Variants in PTPRG observed in about 807,000 individuals in gnomAD.
PTPRG encodes protein tyrosine phosphatase receptor type G, also known as receptor-type tyrosine-protein phosphatase gamma.
PTPRG carries 102 observed loss-of-function variants against 165.3 expected under a neutral mutation model. That is an observed-to-expected ratio of 0.62 (90% CI 0.53 to 0.73). The LOEUF (loss-of-function observed/expected upper bound fraction) is 0.73. PTPRG is among the 30% of genes least tolerant of loss of function. PTPRG has a pLI of 0.00. For synonymous variants in PTPRG, 675 were observed against 669.5 expected (o/e 1.01, Z -0.13); for missense variants, 1,866 against 1,861.4 (o/e 1.00, Z -0.05).
intron 2 of PTPRG, among the ~76,000 whole-genome samples, chr3:61,977,709 A>C (rs1575843204): frequency 6.6e-6 from 1 of 152,198 alleles, no homozygotes; most frequent in Non-Finnish European, 1.5e-5. Flanking sequence ...CAGTGTTCAA[A>C]GAGTATAAAA....
intron 14 of PTPRG, 94 bp from the exon 15 acceptor site, chr3:62,243,713 A>G (rs755387464): frequency 2.6e-6 from 2 of 780,064 alleles, no homozygotes; most frequent in Non-Finnish European, 4.1e-6. Flanking sequence ...TGTGATGTTT[A>G]AAGCTGGGAA....
Position 62,112,223 on chromosome 3 carries a change from G to A in PTPRG, c.616-20379G>A, listed in dbSNP as rs999194523. Among the ~76,000 whole-genome samples, 11 of 152,120 alleles carry A rather than the reference G, an allele frequency of 7.2e-5. No individual in the cohort carries two copies. The East Asian group carries it at 2.1e-3, about 30-fold the overall frequency. ...AGATTCAAGTGATTCTCCTGCCTCAGCCTCCTGAGTAGCTGGGATTACAGG... is the reference window on the plus strand; with the variant it reads ...AGATTCAAGTGATTCTCCTGCCTCAACCTCCTGAGTAGCTGGGATTACAGG... On this transcript the variant is annotated intron_variant, in intron 5 of 29. Coordinates refer to ENST00000474889, the MANE Select transcript of PTPRG (RefSeq NM_002841.4).
chr3:61,927,536 C>T (rs1432871629), intron 2 of PTPRG, among the ~76,000 whole-genome samples: 3 of 152,162 alleles, frequency 2.0e-5, no homozygotes, highest in Non-Finnish European at 4.4e-5. Context: ...GAGTGTGGGC[C>T]AGAAGCCTCT....
chr3:62,200,017 A>G (rs979120305), intron 10 of PTPRG, among the ~76,000 whole-genome samples: 1 of 152,216 alleles, frequency 6.6e-6, no homozygotes, highest in African/African-American at 2.4e-5. Context: ...ACAAATATGT[A>G]TGATTCCACT....
intron 1 of PTPRG, among the ~76,000 whole-genome samples, chr3:61,655,051 T>G (rs994629565): frequency 6.6e-6 from 1 of 152,048 alleles, no homozygotes; most frequent in African/African-American, 2.4e-5. Flanking sequence ...CTTCCCAAAG[T>G]GCTGGGATTA....
chr3:62,244,982 G>C (rs1044168004), intron 15 of PTPRG, among the ~76,000 whole-genome samples: 2 of 152,134 alleles, frequency 1.3e-5, no homozygotes, highest in African/African-American at 4.8e-5. Context: ...TATGGTTGTG[G>C]ACTGAATTGC....
At chr3:62,146,229 T>C (rs1384105294) in intron 6 of PTPRG, among the ~76,000 whole-genome samples, 1 of 152,228 alleles carries the variant, frequency 6.6e-6, no homozygotes, top group Non-Finnish European at 1.5e-5. Flanking sequence ...ATACATTTCA[T>C]TTAAACATCA....
chr3:62,004,989 C>T (rs918835110), intron 4 of PTPRG, among the ~76,000 whole-genome samples: 4 of 152,122 alleles, frequency 2.6e-5, no homozygotes, highest in African/African-American at 9.7e-5. Context: ...TCTAAGTATC[C>T]TGGAAGCTCT....
At chr3:61,989,839 A>G in intron 3 of PTPRG, 35 bp downstream of exon 3, 2 of 1,607,344 alleles carry the variant, frequency 1.2e-6, no homozygotes, top group Non-Finnish European at 1.7e-6. Flanking sequence ...CCACAGAGCA[A>G]CAGGAACTAT....
intron 4 of PTPRG, among the ~76,000 whole-genome samples, chr3:62,042,833 C>T (rs1451515444): frequency 1.3e-5 from 2 of 152,118 alleles, no homozygotes; most frequent in Admixed American, 6.6e-5. Context: ...AGATTAATTC[C>T]CTGCTTGAAT....
rs1336789331 is a variant in PTPRG, at chr3:62,252,284, AAT to A, written c.2468-2838_2468-2837del. Among the ~76,000 whole-genome samples, 1 of 152,162 alleles carries A rather than the reference AAT, an allele frequency of 6.6e-6. No homozygotes were observed. Among genetic ancestry groups the A allele is most frequent in the Non-Finnish European group, 1.5e-5 (1 of 68,026 alleles). ...AGACCATCTCCCTAATATCTGGCTG[AAT>A]ACTAGGTGCTCAGAAACGGCTTCAT... On this transcript the variant is annotated intron_variant, in intron 15 of 29. Transcript: ENST00000474889. This position sits in a 1 kb window ranked among gnomAD's most constrained non-coding sequence, Gnocchi z 4.6.
Position 61,824,453 on chromosome 3 carries a change from CCTTCCCTTG to C in PTPRG, c.190+75473_190+75481del, listed in dbSNP as rs2036050176. ...AAAAACAAACTTTACATCTAAGAGG[CCTTCCCTTG>C]CAGCAGGGAAAACCATAGCTGCAAT... is the stretch of plus-strand genomic sequence containing the variant. On this transcript the variant is annotated intron_variant, in intron 2 of 29. Transcript: ENST00000474889. 3.3e-5 allele frequency among the ~76,000 whole-genome samples: 5 copies of C among 152,330 alleles called. No homozygotes were observed. The South Asian group carries it at 1.0e-3, about 32-fold the overall frequency.
At chr3:62,274,907 A>AT (rs953526724) in intron 23 of PTPRG, among the ~76,000 whole-genome samples, 6 of 151,456 alleles carry the variant, frequency 4.0e-5, no homozygotes, top group South Asian at 2.1e-4. Flanking sequence ...CGTTTCTTCA[A>AT]TTTTTTTTTA....
intron 4 of PTPRG, among the ~76,000 whole-genome samples, chr3:62,070,912 G>A (rs1312624674): frequency 6.6e-6 from 1 of 150,556 alleles, no homozygotes; most frequent in Non-Finnish European, 1.5e-5. Context: ...ATGTGCACAT[G>A]TACCCTAAAA....
intron 2 of PTPRG, among the ~76,000 whole-genome samples, chr3:61,976,945 C>T (rs917780404): frequency 6.6e-6 from 1 of 151,928 alleles, no homozygotes; most frequent in South Asian, 2.1e-4. Flanking sequence ...CAAAGTGCTG[C>T]AATTACAGGT....
chr3:61,971,445 A>G (rs1384118488), intron 2 of PTPRG, among the ~76,000 whole-genome samples: 2 of 152,204 alleles, frequency 1.3e-5, no homozygotes, highest in East Asian at 1.9e-4. Flanking sequence ...CAGTATTTGT[A>G]TGGATATTCC....
chr3:61,643,423 CA>C (rs1461631988), intron 1 of PTPRG, among the ~76,000 whole-genome samples: 1 of 152,100 alleles, frequency 6.6e-6, no homozygotes, highest in African/African-American at 2.4e-5. Context: ...GGAAATGGGG[CA>C]AAATTAGGGG....
chr3:61,638,568 G>A (rs1396083961), intron 1 of PTPRG, among the ~76,000 whole-genome samples: 6 of 143,568 alleles, frequency 4.2e-5, no homozygotes, highest in Non-Finnish European at 7.5e-5. Flanking sequence ...GGGACTACAG[G>A]CACACACCAC....
At chr3:62,186,567 CTTTT>C (rs35133425) in intron 8 of PTPRG, among the ~76,000 whole-genome samples, 3 of 117,536 alleles carry the variant, frequency 2.6e-5, no homozygotes, top group Non-Finnish European at 3.4e-5. Flanking sequence ...TTTTCTTTTC[CTTTT>C]TTTTTTTTTT....
Sources: gnomAD v4.1 joint callset for allele counts (sites outside exome capture counted in the v4.1 genomes callset) on GRCh38, gnomAD v4.1.1 for gene constraint, Gnocchi (gnomAD v3.1) non-coding constraint, MANE v1.5 for transcripts, NCBI Gene and HGNC (gene_info 2026-07-23, HGNC 2026-07-21) for gene names.